SLC30A10: variants seen among roughly 807,000 people sequenced by gnomAD.
SLC30A10 encodes solute carrier family 30 member 10.
In SLC30A10, 8 loss-of-function variants were observed where a neutral mutation model predicts 21.7. That is an observed-to-expected ratio of 0.37 (90% confidence interval 0.22 to 0.67). SLC30A10 has a LOEUF of 0.67. Among genes scored for constraint, SLC30A10 ranks in the 30% least tolerant of loss-of-function variants. The probability of loss-of-function intolerance (pLI) is 0.58; values close to 1 mark genes in which losing one functional copy is unlikely to be tolerated. For missense variants in SLC30A10, 521 were observed against 642.5 expected (o/e 0.81, Z 2.04); for synonymous variants, 272 against 279.4 (o/e 0.97, Z 0.26).
At position 219,927,291 on chromosome 1, in the gene SLC30A10, C is replaced by G. The variant is rs948146970; in HGVS notation, c.641-186G>C. The G allele has an allele frequency of 1.3e-5, 8 of 620,396 alleles. No individual in the cohort carries two copies. In the African/African-American group the frequency reaches 1.5e-4, roughly 11 times the overall value. 38.4% of individuals were successfully genotyped at this position (620,396 alleles called of 1,614,324 possible). On this transcript the variant is annotated intron_variant, in intron 1 of 3. Transcript: ENST00000366926. ...AATAGCCTTGTGATCCACCTTTGGA[C>G]TTCATTCACACATCCTTTCAAGTTA... is the stretch of plus-strand genomic sequence containing the variant.
At chr1:219,937,742 G>T (rs1479870175) in intron 1 of SLC30A10, among the ~76,000 whole-genome samples, 1 of 152,222 alleles carries the variant, frequency 6.6e-6, no homozygotes, top group Non-Finnish European at 1.5e-5. Flanking sequence ...GAACCTGGAG[G>T]CGGAGGTTGC....
chr1:219,916,145 C>A (rs1659538416), intron 3 of SLC30A10, among the ~76,000 whole-genome samples, 197 bp from the exon 4 acceptor site: 3 of 152,170 alleles, frequency 2.0e-5, no homozygotes, highest in Admixed American at 2.0e-4. Flanking sequence ...TTAGTCCACA[C>A]AAAGTCATTT....
intron 2 of SLC30A10, among the ~76,000 whole-genome samples, chr1:219,922,018 A>C (rs910065207): frequency 6.6e-6 from 1 of 151,564 alleles, no homozygotes; most frequent in African/African-American, 2.4e-5. Context: ...CAGTGGCACA[A>C]TCATAGCTCA....
chr1:219,928,908 A>ACAG (rs1170623118), upstream of SLC30A10, among the ~76,000 whole-genome samples: 1 of 152,204 alleles, frequency 6.6e-6, no homozygotes, highest in East Asian at 1.9e-4. The surrounding 1 kb of genome is among the most constrained non-coding windows in gnomAD (Gnocchi z 6.3). Context: ...CTCAGTCATA[A>ACAG]GGGCCTTGGC....
chr1:219,941,565 C>A (rs1660122282), intron 1 of SLC30A10, among the ~76,000 whole-genome samples: 1 of 123,938 alleles, frequency 8.1e-6, no homozygotes, highest in Admixed American at 8.0e-5. Flanking sequence ...TCCTTCCTTC[C>A]TTCCTCCCTC....
chr1:219,925,651 ATTTTTT>A (rs1210071228), intron 2 of SLC30A10, among the ~76,000 whole-genome samples: 35 of 48,264 alleles, frequency 7.3e-4, no homozygotes, highest in Admixed American at 1.9e-3. Flanking sequence ...ATATATATAT[ATTTTTT>A]TTTTTTTTTT....
chr1:219,945,208 G>T (rs1205850246), intron 1 of SLC30A10, among the ~76,000 whole-genome samples: 2 of 152,236 alleles, frequency 1.3e-5, no homozygotes, highest in African/African-American at 2.4e-5. Context: ...ACTACTAAAG[G>T]GTACCATGAG....
chr1:219,928,609 C>G, upstream of SLC30A10: 1 of 564,244 alleles, frequency 1.8e-6, no homozygotes, highest in African/African-American at 2.0e-5. The surrounding 1 kb of genome is among the most constrained non-coding windows in gnomAD (Gnocchi z 6.3). Context: ...CGAGCGCCAC[C>G]AGTCCCCGCA....
At chr1:219,932,280 T>C (rs764487050), upstream of SLC30A10, among the ~76,000 whole-genome samples, 21 of 152,188 alleles carry the variant, frequency 1.4e-4, no homozygotes, top group Non-Finnish European at 2.6e-4. Context: ...TCCTGGCCTT[T>C]AATGCTTCTT....
At chr1:219,931,069 A>G (rs1179831439), upstream of SLC30A10, among the ~76,000 whole-genome samples, 2 of 152,248 alleles carry the variant, frequency 1.3e-5, no homozygotes, top group Non-Finnish European at 2.9e-5. Flanking sequence ...ATATGACAGC[A>G]AGCAAAACAG....
upstream of SLC30A10, chr1:219,928,595 A>G (rs1571803552): frequency 2.1e-6 from 1 of 479,588 alleles, no homozygotes; most frequent in Non-Finnish European, 3.5e-6. This position sits in a 1 kb window ranked among gnomAD's most constrained non-coding sequence, Gnocchi z 6.3. Flanking sequence ...TTATAACGCG[A>G]GGCCGAGCGC....
At chr1:219,929,993 G>A (rs1659942824), upstream of SLC30A10, among the ~76,000 whole-genome samples, 1 of 152,130 alleles carries the variant, frequency 6.6e-6, no homozygotes. Context: ...TTCTTTGTTG[G>A]TTTCTTTTGT....
At chr1:219,944,305 A>G (rs1269233792) in intron 1 of SLC30A10, among the ~76,000 whole-genome samples, 37 of 139,182 alleles carry the variant, frequency 2.7e-4, no homozygotes, top group East Asian at 1.3e-3. Flanking sequence ...AAAATTAGCC[A>G]GGCATGGTGG....
At chr1:219,945,758 G>C (rs890471672) in intron 1 of SLC30A10, among the ~76,000 whole-genome samples, 3 of 152,184 alleles carry the variant, frequency 2.0e-5, no homozygotes, top group Admixed American at 6.5e-5. Context: ...TTTAAAAAGA[G>C]TCCACATATG....
At chr1:219,948,488 C>A (rs1161655355) in intron 1 of SLC30A10, among the ~76,000 whole-genome samples, 5 of 152,086 alleles carry the variant, frequency 3.3e-5, no homozygotes, top group African/African-American at 1.2e-4. Flanking sequence ...TTTTGACAAA[C>A]CTGAGAAAAA....
intron 2 of SLC30A10, among the ~76,000 whole-genome samples, chr1:219,926,232 A>T (rs567883441): frequency 5.3e-5 from 8 of 152,308 alleles, no homozygotes; most frequent in African/African-American, 1.9e-4. Flanking sequence ...CTGAATTATT[A>T]ATTTTTCATT....
At position 219,910,933 on chromosome 1, in the gene SLC30A10, A is replaced by T. The variant is rs1461111523; in HGVS notation, c.*4516T>A. On this transcript the variant is annotated 3_prime_UTR_variant, in exon 4 of 4. Transcript: ENST00000366926. ...TAAGAACATGCAGATTACATTGAGG[A>T]TTATCTTTCAATGCAATTTCCACTT... Among the ~76,000 whole-genome samples, 1 of 152,178 alleles carries T rather than the reference A, an allele frequency of 6.6e-6. No individual in the cohort carries two copies. The highest frequency in any genetic ancestry group is 1.5e-5 in the Non-Finnish European group (1 of 68,018).
chr1:219,938,293 G>A (rs1660073641), intron 1 of SLC30A10, among the ~76,000 whole-genome samples: 1 of 152,106 alleles, frequency 6.6e-6, no homozygotes. Flanking sequence ...TTGTGTTAGG[G>A]GAACACTGCA....
intron 2 of SLC30A10, among the ~76,000 whole-genome samples, chr1:219,925,651 A>ATATATATTTTTTT (rs1317554458): frequency 3.9e-4 from 19 of 48,278 alleles, no homozygotes; most frequent in African/African-American, 1.1e-3. Flanking sequence ...ATATATATAT[A>ATATATATTTTTTT]TTTTTTTTTT....
Sources: gnomAD v4.1 joint callset for allele counts (sites outside exome capture counted in the v4.1 genomes callset) on GRCh38, gnomAD v4.1.1 for gene constraint, Gnocchi (gnomAD v3.1) non-coding constraint, MANE v1.5 for transcripts, NCBI Gene and HGNC (gene_info 2026-07-23, HGNC 2026-07-21) for gene names.